Variants in PIK3R2 observed in about 807,000 individuals in gnomAD.
PIK3R2 encodes the protein phosphoinositide-3-kinase regulatory subunit 2, also known as phosphatidylinositol 3-kinase regulatory subunit beta.
Under a neutral mutation model 78.5 loss-of-function variants are expected in PIK3R2, and 40 were observed. The ratio of observed to expected loss-of-function variants is 0.51; its 90% confidence interval spans 0.40 to 0.66. The LOEUF (loss-of-function observed/expected upper bound fraction) is 0.66, where lower values mean the gene tolerates loss of function less well. Ranked by LOEUF, PIK3R2 falls within the 30% of genes least tolerant of loss-of-function variation. PIK3R2 has a pLI of 0.00. For missense variants in PIK3R2, 880 were observed against 1,026.6 expected (o/e 0.86, Z 1.95); for synonymous variants, 473 against 457.7 (o/e 1.03, Z -0.43).
At chr19:18,162,120 G>A in intron 7 of PIK3R2, 69 bp downstream of exon 7, 1 of 1,501,762 alleles carries the variant, frequency 6.7e-7, no homozygotes, top group Non-Finnish European at 9.3e-7. Flanking sequence ...GAGTGCTGCC[G>A]GCATCAGCAG....
rs558059363 is a variant in PIK3R2, at chr19:18,156,913, C to T, written c.322+712C>T. Among the ~76,000 whole-genome samples, 10 of 152,120 alleles carry T rather than the reference C, an allele frequency of 6.6e-5. No individual in the cohort carries two copies. The highest frequency in any genetic ancestry group is 2.1e-4 in the South Asian group (1 of 4,830). On this transcript the variant is annotated intron_variant, in intron 2 of 15. Coordinates refer to ENST00000222254, the MANE Select transcript of PIK3R2 (RefSeq NM_005027.4). The surrounding 1 kb of genome is among the most constrained non-coding windows in gnomAD (Gnocchi z 4.2). ...ATGGGCAGGGAGTGTGGGCTCTGGC[C>T]GGGGAAACTGTGGCCCAGGTTGCAA...
intron 1 of PIK3R2, among the ~76,000 whole-genome samples, chr19:18,153,773 C>T (rs2043647818): frequency 6.6e-6 from 1 of 152,222 alleles, no homozygotes; most frequent in African/African-American, 2.4e-5. Context: ...CCCGCCCCTC[C>T]CGCCTCCCGG....
intron 11 of PIK3R2, among the ~76,000 whole-genome samples, chr19:18,165,251 G>C (rs555667257): frequency 2.9e-4 from 44 of 151,344 alleles, no homozygotes; most frequent in Admixed American, 2.4e-3. Context: ...TGTAATCGCA[G>C]CTACTCAAGA....
At chr19:18,165,362 C>CAAAAAAA (rs33933785) in intron 11 of PIK3R2, among the ~76,000 whole-genome samples, 1 of 81,012 alleles carries the variant, frequency 1.2e-5, no homozygotes, top group Non-Finnish European at 2.3e-5. Context: ...GACTCCGTCT[C>CAAAAAAA]AAAAAAAAAA....
chr19:18,169,130 AC>A lies in PIK3R2; in HGVS notation c.2025del (p.Gly676AlafsTer14). 2 of 1,611,834 alleles carry A rather than the reference AC, an allele frequency of 1.2e-6. No homozygotes were observed. Among genetic ancestry groups the A allele is most frequent in the Non-Finnish European group, 1.7e-6 (2 of 1,179,832 alleles). On this transcript the variant is annotated frameshift_variant, in exon 16 of 16. Transcript: ENST00000222254. LOFTEE classifies it high-confidence loss of function. ...TKHCVIYRTATGFGFAEPYNL... is the reference protein window; with the variant it reads ...TKHCVIYRTAXGFGFAEPYNL... ...GCACTGCGTCATCTACCGCACGGCC[AC>A]CGGCTTCGGCTTCGCGGAGCCCTAC... is the stretch of plus-strand genomic sequence containing the variant.
chr19:18,155,073 G>A (rs1374839976), intron 1 of PIK3R2, among the ~76,000 whole-genome samples: 9 of 151,852 alleles, frequency 5.9e-5, no homozygotes, highest in African/African-American at 9.7e-5. Context: ...AATTAGCTGG[G>A]TGTGGTGGCC....
rs1193181347 is a variant in PIK3R2, at chr19:18,153,273, C to CGGCGGT, written c.-439_-434dup. 6.5e-6 allele frequency: 1 copy of CGGCGGT among 154,984 alleles called. No homozygotes were observed. Among genetic ancestry groups the CGGCGGT allele is most frequent in the Non-Finnish European group, 1.4e-5 (1 of 69,768 alleles). 9.6% of individuals were successfully genotyped at this position (154,984 alleles called of 1,614,324 possible). On this transcript the variant is annotated 5_prime_UTR_variant, in exon 1 of 16. Transcript: ENST00000222254. ...TGGCTTGGTGTGACGGCGGCTGCGG[C>CGGCGGT]GGCGGTGGCGGCCGCGACCAGGTGA...
At chr19:18,162,901 A>T in intron 9 of PIK3R2, 66 bp from the exon 10 acceptor site, 1 of 1,445,158 alleles carries the variant, frequency 6.9e-7, no homozygotes, top group Non-Finnish European at 9.5e-7. Context: ...TCAAAAAAAA[A>T]GGGGACAGGG....
chr19:18,163,944 T>C (rs1319869363), intron 11 of PIK3R2, among the ~76,000 whole-genome samples: 1 of 152,058 alleles, frequency 6.6e-6, no homozygotes, highest in Non-Finnish European at 1.5e-5. Context: ...TTGGCCAACA[T>C]GTTGAAACCC....
At chr19:18,154,716 C>T (rs1270738172) in intron 1 of PIK3R2, among the ~76,000 whole-genome samples, 3 of 152,120 alleles carry the variant, frequency 2.0e-5, no homozygotes, top group African/African-American at 4.8e-5. Flanking sequence ...TCCTGGCCTA[C>T]TGCACGGCCC....
chr19:18,161,119 C>G lies in PIK3R2; in HGVS notation c.532C>G (p.Leu178Val), dbSNP rs1440420902. 6.3e-7 allele frequency: 1 copy of G among 1,579,402 alleles called. No homozygotes were observed. Among genetic ancestry groups the G allele is most frequent in the Non-Finnish European group, 8.6e-7 (1 of 1,163,532 alleles). The change falls in exon 5 of 16, where the codon CTG (leucine) becomes GTG (valine). Residue 178 changes from leucine to valine, a missense_variant. Coordinates refer to ENST00000222254, the MANE Select transcript of PIK3R2 (RefSeq NM_005027.4). This position sits in a 1 kb window ranked among gnomAD's most constrained non-coding sequence, Gnocchi z 5.3. ...CCTGGCTGACGGCATTAAGAGCTTC[C>G]TGCTGGCACTGCCCGCGCCGCTCGT... ...AALADGIKSFLLALPAPLVTP... is the reference protein window; with the variant it reads ...AALADGIKSFVLALPAPLVTP...
intron 11 of PIK3R2, 64 bp downstream of exon 11, chr19:18,163,452 A>C: frequency 7.0e-6 from 11 of 1,582,570 alleles, no homozygotes; most frequent in Non-Finnish European, 9.5e-6. Context: ...GGCCGGGAGC[A>C]GGATGACCAA....
chr19:18,165,099 A>G (rs1228003641), intron 11 of PIK3R2, among the ~76,000 whole-genome samples: 1 of 150,146 alleles, frequency 6.7e-6, no homozygotes, highest in Non-Finnish European at 1.5e-5. Flanking sequence ...GCCAGGCACA[A>G]TGGCTCAAGC....
chr19:18,161,449 GCGC>G lies in PIK3R2; in HGVS notation c.781_783del (p.Pro261del), dbSNP rs1173823214. The G allele has an allele frequency of 5.1e-5, 62 of 1,205,322 alleles. No homozygotes were observed. The highest frequency in any genetic ancestry group is 6.0e-5 in the Non-Finnish European group (58 of 972,644). 74.7% of individuals were successfully genotyped at this position (1,205,322 alleles called of 1,614,324 possible). On this transcript the variant is annotated inframe_deletion, in exon 6 of 16. Transcript: ENST00000222254. The surrounding 1 kb of genome is among the most constrained non-coding windows in gnomAD (Gnocchi z 5.3). ...CACCTTTGGGCCGCTGCTGCTGCGC[GCGC>G]CGCCGCCGCCGTCCTCGCCGCCGCC...
In PIK3R2 at chr19:18,161,920, C is replaced by T. The variant is rs1456317221; in HGVS notation, c.816-46C>T. 6.6e-7 allele frequency: 1 copy of T among 1,507,732 alleles called. No homozygotes were observed. Among genetic ancestry groups the T allele is most frequent in the East Asian group, 2.3e-5 (1 of 44,364 alleles). 93.4% of individuals were successfully genotyped at this position (1,507,732 alleles called of 1,614,324 possible). A position where few individuals can be genotyped will look rare whatever the true frequency, so the allele number is the denominator to read the frequency against. On this transcript the variant is annotated intron_variant, in intron 6 of 15. Transcript: ENST00000222254. The surrounding 1 kb of genome is among the most constrained non-coding windows in gnomAD (Gnocchi z 5.3). Reference sequence around the variant, plus strand: ...GCACAATCCTGTGCACATGCGTGGGCGGACAGGCCCTACCCAGCCCTCACC... The same window carrying T: ...GCACAATCCTGTGCACATGCGTGGGTGGACAGGCCCTACCCAGCCCTCACC...
chr19:18,167,136 G>C lies in PIK3R2; in HGVS notation c.1566G>C (p.Leu522=), dbSNP rs940037052. The change falls in exon 13 of 16, where the codon CTG becomes CTC. Residue 522 remains leucine (L), a synonymous_variant. Coordinates refer to ENST00000222254, the MANE Select transcript of PIK3R2 (RefSeq NM_005027.4). This position sits in a 1 kb window ranked among gnomAD's most constrained non-coding sequence, Gnocchi z 4.5. ...CACCCCACCCCTCCCACAGGATCCTGCTGAACTCCGAGCGGCTCAAGTCCC... is the reference window on the plus strand; with the variant it reads ...CACCCCACCCCTCCCACAGGATCCTCCTGAACTCCGAGCGGCTCAAGTCCC... The part of the protein sequence containing the change: ...EGNEKEMQRI[L]LNSERLKSRI... The C allele has an allele frequency of 1.3e-6, 2 of 1,584,906 alleles. No individual in the cohort carries two copies. Among genetic ancestry groups the C allele is most frequent in the Admixed American group, 1.8e-5 (1 of 56,080 alleles).
At chr19:18,153,834 C>T (rs1286445823) in intron 1 of PIK3R2, among the ~76,000 whole-genome samples, 1 of 152,344 alleles carries the variant, frequency 6.6e-6, no homozygotes, top group Non-Finnish European at 1.5e-5. Flanking sequence ...TGGGGGCGGG[C>T]TGGCAGGCAG....
At chr19:18,160,310 A>AGGCT (rs2043727081) in intron 2 of PIK3R2, among the ~76,000 whole-genome samples, 161 bp from the exon 3 acceptor site, 1 of 152,126 alleles carries the variant, frequency 6.6e-6, no homozygotes, top group Admixed American at 6.5e-5. Context: ...CCTCCACCCA[A>AGGCT]GGTCTTGCAG....
intron 11 of PIK3R2, among the ~76,000 whole-genome samples, chr19:18,164,107 CAA>C (rs560300533): frequency 1.1e-4 from 17 of 151,988 alleles, no homozygotes; most frequent in East Asian, 5.8e-4. Flanking sequence ...GCCTGGGTGA[CAA>C]GAGTAAAACT....
Sources: gnomAD v4.1 joint callset for allele counts (sites outside exome capture counted in the v4.1 genomes callset) on GRCh38, gnomAD v4.1.1 for gene constraint, Gnocchi (gnomAD v3.1) non-coding constraint, MANE v1.5 for transcripts, NCBI Gene and HGNC (gene_info 2026-07-23, HGNC 2026-07-21) for gene names.